Variants in EML5 observed in about 807,000 individuals in gnomAD.
The protein encoded by EML5 is echinoderm microtubule-associated protein-like 5.
In EML5, 120 loss-of-function variants were observed where a neutral mutation model predicts 250.0. That is an observed-to-expected ratio of 0.48 (90% CI 0.41 to 0.56). The LOEUF is 0.56. Ranked by LOEUF, EML5 falls within the 20% of genes least tolerant of loss-of-function variation. EML5 has a pLI of 0.00. For synonymous variants in EML5, 771 were observed against 806.5 expected, an observed-to-expected ratio of 0.96 and a Z score of 0.75; for missense variants, 2,006 against 2,437.6, an observed-to-expected ratio of 0.82 and a Z score of 3.73.
chr14:88,788,856 A>G (rs1203576628), intron 1 of EML5, among the ~76,000 whole-genome samples: 2 of 151,330 alleles, frequency 1.3e-5, no homozygotes, highest in African/African-American at 4.9e-5. Flanking sequence ...CCAGGAGTCC[A>G]GCACACCAGC....
chr14:88,775,207 G>A (rs1466978946), intron 1 of EML5, among the ~76,000 whole-genome samples: 2 of 152,234 alleles, frequency 1.3e-5, no homozygotes, highest in East Asian at 1.9e-4. Context: ...GCCATGGGGC[G>A]AAACTCCTTT....
intron 21 of EML5, among the ~76,000 whole-genome samples, chr14:88,666,877 A>G (rs1434912055): frequency 3.9e-5 from 6 of 152,230 alleles, no homozygotes; most frequent in African/African-American, 1.4e-4. Flanking sequence ...TTAATTATCA[A>G]GCATACATTG....
intron 19 of EML5, 106 bp from the exon 20 acceptor site, chr14:88,685,248 GT>G: frequency 1.1e-6 from 1 of 880,960 alleles, no homozygotes; most frequent in Non-Finnish European, 1.6e-6. Flanking sequence ...ACATTACAAG[GT>G]TTTCTCCTGT....
chr14:88,716,890 A>G (rs28633184), intron 8 of EML5, among the ~76,000 whole-genome samples: 3,564 of 152,308 alleles, frequency 0.023, 138 homozygotes, highest in African/African-American at 0.082. Flanking sequence ...AATTTAAAGC[A>G]AAGACGACAA....
intron 1 of EML5, among the ~76,000 whole-genome samples, chr14:88,790,635 A>G (rs2094596554): frequency 6.6e-6 from 1 of 152,188 alleles, no homozygotes; most frequent in South Asian, 2.1e-4. Context: ...CATTTACTCC[A>G]CCAGCTGAAT....
At chr14:88,627,850 TCTAC>T (rs1282518573) in intron 33 of EML5, 31 bp from the exon 34 acceptor site, 1 of 1,529,948 alleles carries the variant, frequency 6.5e-7, no homozygotes, top group African/African-American at 1.4e-5. Context: ...AAAGTTGTAA[TCTAC>T]CTGTTATAAA....
At chr14:88,661,921 G>A (rs1205538285) in intron 24 of EML5, 91 bp from the exon 25 acceptor site, 24 of 1,130,486 alleles carry the variant, frequency 2.1e-5, no homozygotes, top group Non-Finnish European at 2.8e-5. Flanking sequence ...GTAGTTATGT[G>A]TGTCACAAGT....
chr14:88,654,116 T>A (rs981765826), intron 27 of EML5, among the ~76,000 whole-genome samples: 11 of 152,226 alleles, frequency 7.2e-5, no homozygotes, highest in African/African-American at 2.7e-4. Flanking sequence ...TTCTGTGCAA[T>A]CAGTGGTGAT....
At chr14:88,715,438 T>C (rs2093475747) in intron 8 of EML5, among the ~76,000 whole-genome samples, 1 of 152,144 alleles carries the variant, frequency 6.6e-6, no homozygotes. Flanking sequence ...CTTTAAGTAC[T>C]TCAGAGATCC....
At position 88,726,537 on chromosome 14, in the gene EML5, A is replaced by G. The variant is rs1305574974; in HGVS notation, c.1187+4T>C. The stretch of plus-strand genomic sequence containing the variant: ...TATTATGTGTTTCTACCCTAATACC[A>G]TACCTTACTCTAAGTACAGTGAATG... On this transcript the variant is annotated splice_donor_region_variant and intron_variant, in intron 8 of 43. Transcript: ENST00000554922. 1.2e-6 allele frequency: 2 copies of G among 1,603,472 alleles called. No individual in the cohort carries two copies. Among genetic ancestry groups the G allele is most frequent in the East Asian group, 2.2e-5 (1 of 44,682 alleles).
At chr14:88,647,086 G>T in intron 28 of EML5, 131 bp from the exon 29 acceptor site, 1 of 784,338 alleles carries the variant, frequency 1.3e-6, no homozygotes, top group Non-Finnish European at 1.9e-6. Context: ...TAATATTAAA[G>T]GCCTGTTGTT....
intron 16 of EML5, 87 bp from the exon 17 acceptor site, chr14:88,694,494 C>T: frequency 1.1e-6 from 1 of 911,516 alleles, no homozygotes; most frequent in African/African-American, 1.7e-5. Context: ...ATCTTGATTA[C>T]TCTATTTACG....
At chr14:88,671,326 A>C (rs1178044078) in intron 21 of EML5, among the ~76,000 whole-genome samples, 2 of 152,174 alleles carry the variant, frequency 1.3e-5, no homozygotes, top group Admixed American at 6.5e-5. Context: ...TGAAGGAGAA[A>C]TAAACTCCTT....
chr14:88,759,755 T>C (rs1045941472), intron 1 of EML5, among the ~76,000 whole-genome samples: 4 of 146,892 alleles, frequency 2.7e-5, no homozygotes, highest in East Asian at 2.1e-4. Context: ...AAAATCTTCA[T>C]ACAATAGAAC....
chr14:88,627,018 G>A lies in EML5; in HGVS notation c.4560C>T (p.His1520=). ...ATTCTGCCACAAAAATACGTTGATTGTGACCAGCTCTGCTGGCAATTTTGG... is the reference window on the plus strand; with the variant it reads ...ATTCTGCCACAAAAATACGTTGATTATGACCAGCTCTGCTGGCAATTTTGG... The part of the protein sequence containing the change: ...EGAKIASRAG[H]NQRIFVAEFR... The change falls in exon 35 of 44, where the codon CAC becomes CAT. Residue 1520 remains histidine (H), a synonymous_variant. Transcript: ENST00000554922. The A allele has an allele frequency of 6.2e-7, 1 of 1,613,798 alleles. No homozygotes were observed. Among genetic ancestry groups the A allele is most frequent in the Admixed American group, 1.7e-5 (1 of 60,000 alleles).
At chr14:88,771,226 A>AT (rs1196074429) in intron 1 of EML5, among the ~76,000 whole-genome samples, 1 of 152,226 alleles carries the variant, frequency 6.6e-6, no homozygotes, top group Admixed American at 6.5e-5. Context: ...AAACTCTCAC[A>AT]TGAGCACAGT....
At chr14:88,771,133 C>T (rs1019959644) in intron 1 of EML5, among the ~76,000 whole-genome samples, 1 of 152,188 alleles carries the variant, frequency 6.6e-6, no homozygotes, top group African/African-American at 2.4e-5. Flanking sequence ...ATTTATCTCA[C>T]ACATCTCAAA....
Position 88,618,739 on chromosome 14 carries a change from C to T in EML5, c.5449G>A (p.Gly1817Ser), listed in dbSNP as rs1451146600. Residue 1817 changes from glycine to serine, a missense_variant, in exon 40 of 44, where the codon GGC becomes AGC. Physicochemically the swap from Gly to Ser is moderately conservative, Grantham distance 56. This residue lies in a region of EML5 where 405 missense variants were observed against 523.3 expected (regional missense o/e 0.77). Transcript: ENST00000554922. The stretch of plus-strand genomic sequence containing the variant: ...TAGCTGATTCTGTTAAGAGTGGGGC[C>T]CAGCGTTAGGTCATAAAAATCCACT... ...NSVDFYDLTL[G>S]PTLNRISYCK... 1.2e-6 allele frequency: 2 copies of T among 1,606,802 alleles called. No homozygotes were observed. Among genetic ancestry groups the T allele is most frequent in the Admixed American group, 3.4e-5 (2 of 59,092 alleles).
At chr14:88,712,146 A>G (rs1197748678) in intron 10 of EML5, 125 bp downstream of exon 10, 1 of 656,660 alleles carries the variant, frequency 1.5e-6, no homozygotes, top group Non-Finnish European at 2.6e-6. Context: ...AGAAAAATGA[A>G]ACCCTTCACC....
Sources: allele counts gnomAD v4.1 joint callset (sites outside exome capture counted in the v4.1 genomes callset), GRCh38; gene constraint gnomAD v4.1.1; regional missense constraint gnomAD v4.1.1; transcripts MANE v1.5; gene names NCBI Gene and HGNC (gene_info 2026-07-23, HGNC 2026-07-21).